MOCS1: variants seen among roughly 807,000 people sequenced by gnomAD.
MOCS1 encodes the protein molybdenum cofactor biosynthesis protein 1.
MOCS1 carries 39 observed loss-of-function variants against 57.6 expected under a neutral mutation model. The observed-to-expected ratio is 0.68, with a 90% CI of 0.52 to 0.88. The LOEUF is 0.88. Among genes scored for constraint, MOCS1 ranks in the 40% least tolerant of loss-of-function variants. MOCS1 has a pLI of 0.00. For synonymous variants in MOCS1, 334 were observed against 335.7 expected (o/e 1.00, Z 0.05); for missense variants, 795 against 831.1 (o/e 0.96, Z 0.53).
At chr6:39,931,676 C>G (rs1304171722) in intron 1 of MOCS1, among the ~76,000 whole-genome samples, 1 of 152,102 alleles carries the variant, frequency 6.6e-6, no homozygotes, top group African/African-American at 2.4e-5. Flanking sequence ...TCTCCCTCAC[C>G]AGTGCCTGCT....
At position 39,906,396 on chromosome 6, in the gene MOCS1, G is replaced by A. The variant is rs1279028508; in HGVS notation, c.1872C>T (p.Ser624=). The A allele has an allele frequency of 2.5e-6, 4 of 1,600,998 alleles. No homozygotes were observed. In the East Asian group the frequency reaches 9.0e-5, roughly 36 times the overall value. Reference sequence around the variant, plus strand: ...AGTCCCCCCGCTGACCACCAGTCTTGCTAATGAGCTTGATCTCCTCCAACA... The same window carrying A: ...AGTCCCCCCGCTGACCACCAGTCTTACTAATGAGCTTGATCTCCTCCAACA... ...DIVLEEIKLI[S]KTGGQRGDFH... is the part of the protein sequence containing the mutation. Residue 624 remains serine, a synonymous_variant, in exon 11 of 11, where the codon AGC becomes AGT. Transcript: ENST00000340692.
At chr6:39,925,989 T>C in intron 2 of MOCS1, 144 bp from the exon 3 acceptor site, 1 of 849,848 alleles carries the variant, frequency 1.2e-6, no homozygotes, top group Non-Finnish European at 1.8e-6. Context: ...AAACCTGAGG[T>C]GGAAAAACCC....
At chr6:39,922,781 A>C (rs2149415338) in intron 3 of MOCS1, among the ~76,000 whole-genome samples, 1 of 152,290 alleles carries the variant, frequency 6.6e-6, no homozygotes, top group South Asian at 2.1e-4. Context: ...ACGGGACCTC[A>C]GGCTCGGCAG....
chr6:39,907,205 C>T, intron 10 of MOCS1, 88 bp from the exon 11 acceptor site: 4 of 1,353,790 alleles, frequency 3.0e-6, no homozygotes, highest in Middle Eastern at 1.9e-4. Flanking sequence ...CTCCCTATCC[C>T]ACCTCAAGTT....
In MOCS1 at chr6:39,913,824, C is replaced by T. The variant is rs377241570; in HGVS notation, c.595G>A (p.Val199Ile). 150 of 1,614,086 alleles carry T rather than the reference C, an allele frequency of 9.3e-5. No homozygotes were observed. Among genetic ancestry groups the T allele is most frequent in the Non-Finnish European group, 1.2e-4 (144 of 1,180,048 alleles). The stretch of plus-strand genomic sequence containing the variant: ...ATGGCCTTGTGGATGCCCTCCATGA[C>T]CTTGTGGAAGCCTGGGAGGGAGAAA... ...FIVRRKGFHK[V>I]MEGIHKAIEL... Residue 199 changes from valine to isoleucine, a missense_variant, in exon 5 of 11, where the codon GTC becomes ATC. Around this residue, in one of 3 missense-constraint regions of MOCS1, gnomAD observed 416 missense variants for 392.4 expected, o/e 1.06. Coordinates refer to ENST00000340692, the MANE Select transcript of MOCS1 (RefSeq NM_001358530.2).
chr6:39,913,009 A>T lies in MOCS1; in HGVS notation c.758-5T>A, dbSNP rs750428074. On this transcript the variant is annotated splice_region_variant and splice_polypyrimidine_tract_variant and intron_variant, in intron 6 of 10. Transcript: ENST00000340692. ...TCTTGAAGTTCCACTTGTTGCCTGT[A>T]TTCGGGATGGGGGAAGGCAAGGGGA... is the stretch of plus-strand genomic sequence containing the variant. 6.2e-7 allele frequency: 1 copy of T among 1,613,202 alleles called. No homozygotes were observed. The highest frequency in any genetic ancestry group is 8.5e-7 in the Non-Finnish European group (1 of 1,179,194).
In MOCS1 at chr6:39,907,068, G is replaced by A. The variant is rs1481685486; in HGVS notation, c.1200C>T (p.Phe400=). 6.2e-7 allele frequency: 1 copy of A among 1,613,528 alleles called. No homozygotes were observed. The change falls in exon 11 of 11, where the codon TTC becomes TTT. Residue 400 remains phenylalanine, a synonymous_variant. Coordinates refer to ENST00000340692, the MANE Select transcript of MOCS1 (RefSeq NM_001358530.2). The stretch of plus-strand genomic sequence containing the variant: ...CCTGAACATGGAGCGGGTCCCAGGA[G>A]AAAATGCTTGGATTGGCTGGTGGGG... ...PNSPPANPSI[F]SWDPLHVQGL...
intron 3 of MOCS1, 111 bp from the exon 4 acceptor site, chr6:39,916,343 T>C: frequency 7.5e-7 from 1 of 1,330,896 alleles, no homozygotes; most frequent in Non-Finnish European, 1.0e-6. Flanking sequence ...GAAAAGAGGC[T>C]CTCTGCAGAC....
In MOCS1 at chr6:39,905,155, G is replaced by C. The variant is rs1339976330; in HGVS notation, c.*1202C>G. On this transcript the variant is annotated 3_prime_UTR_variant, in exon 11 of 11. Transcript: ENST00000340692. Reference sequence around the variant, plus strand: ...CCACTGAGGACTCAAAGACATCCAAGTTAGAGAGCCCAGCAGGCCAGAACT... The same window carrying C: ...CCACTGAGGACTCAAAGACATCCAACTTAGAGAGCCCAGCAGGCCAGAACT... 5 of 454,312 alleles carry C rather than the reference G, an allele frequency of 1.1e-5. No individual in the cohort carries two copies. Among genetic ancestry groups the C allele is most frequent in the Non-Finnish European group, 2.2e-5 (5 of 226,924 alleles). 28.1% of individuals were successfully genotyped at this position (454,312 alleles called of 1,614,324 possible). A position where few individuals can be genotyped will look rare whatever the true frequency, so the allele number is the denominator to read the frequency against.
rs2149403004 is a variant in MOCS1 at position 39,912,382 on chromosome 6, G to C, written c.871-8C>G. The C allele has an allele frequency of 2.5e-6, 4 of 1,602,390 alleles. No homozygotes were observed. Among genetic ancestry groups the C allele is most frequent in the Non-Finnish European group, 2.6e-6 (3 of 1,169,350 alleles). On this transcript the variant is annotated splice_region_variant and splice_polypyrimidine_tract_variant and intron_variant, in intron 7 of 10. Transcript: ENST00000340692. ...GCCAGGGATTTTAAAGGCCTGGGCA[G>C]GGGAGAGTGGGAGCAAAAGGGCAGT...
At chr6:39,912,202 G>A (rs760188904) in intron 8 of MOCS1, 62 bp downstream of exon 8, 11 of 1,251,914 alleles carry the variant, frequency 8.8e-6, no homozygotes, top group Non-Finnish European at 1.2e-5. Context: ...GGGAGCACAG[G>A]TGGGAGGAGA....
chr6:39,930,719 G>A (rs1768601638), intron 1 of MOCS1, among the ~76,000 whole-genome samples: 2 of 152,150 alleles, frequency 1.3e-5, no homozygotes, highest in South Asian at 4.2e-4. Context: ...AGCCAGGGCT[G>A]AGAACCATCG....
At chr6:39,910,671 A>G (rs1767266768) in intron 8 of MOCS1, among the ~76,000 whole-genome samples, 1 of 152,194 alleles carries the variant, frequency 6.6e-6, no homozygotes, top group Non-Finnish European at 1.5e-5. Context: ...CTGCAGGCAG[A>G]GACCACTGGA....
Position 39,904,806 on chromosome 6 carries a change from G to C in MOCS1, c.*1551C>G. ...TAATCTACAGTGTCCTTTTTCACTT[G>C]CACCTTTTTTATAAGAATATATTGT... On this transcript the variant is annotated 3_prime_UTR_variant, in exon 11 of 11. Coordinates refer to ENST00000340692, the MANE Select transcript of MOCS1 (RefSeq NM_001358530.2). 1 of 454,016 alleles carries C rather than the reference G, an allele frequency of 2.2e-6. No individual in the cohort carries two copies. The highest frequency in any genetic ancestry group is 2.0e-5 in the African/African-American group (1 of 50,094). The allele number at this position is 454,016 out of a possible 1,614,324, so 28.1% of individuals were successfully genotyped here. A position where few individuals can be genotyped will look rare whatever the true frequency, so the allele number is the denominator to read the frequency against.
chr6:39,921,147 C>T (rs866123239), intron 3 of MOCS1, among the ~76,000 whole-genome samples: 13 of 152,096 alleles, frequency 8.5e-5, no homozygotes, highest in African/African-American at 2.9e-4. Context: ...TGCCTGTAAT[C>T]CTAGCACTTT....
Position 39,907,015 on chromosome 6 carries a change from C to A in MOCS1, c.1253G>T (p.Ser418Ile). 1 of 1,613,908 alleles carries A rather than the reference C, an allele frequency of 6.2e-7. No individual in the cohort carries two copies. The highest frequency in any genetic ancestry group is 2.2e-5 in the East Asian group (1 of 44,826). ...TCCTTTCCATAAAGTGGCCACCTGG[C>A]TGGAGAAACTCATTCTGGGTCTTAG... ...QGLRPRMSFSSQVATLWKGCR... is the reference protein window; with the variant it reads ...QGLRPRMSFSIQVATLWKGCR... The change falls in exon 11 of 11, where the codon AGC becomes ATC. Residue 418 changes from serine (S) to isoleucine (I), a missense_variant. By Grantham distance (142) the Ser-to-Ile change is moderately radical. This residue lies in a region of MOCS1 where 374 missense variants were observed against 422.6 expected (regional missense o/e 0.89). Transcript: ENST00000340692.
chr6:39,907,270 C>T (rs1426114014), intron 10 of MOCS1, among the ~76,000 whole-genome samples, 153 bp from the exon 11 acceptor site: 1 of 152,156 alleles, frequency 6.6e-6, no homozygotes, highest in Non-Finnish European at 1.5e-5. Flanking sequence ...TGGGACAAGA[C>T]AAAGTAGAAG....
rs951841441 is a variant in MOCS1 at position 39,905,351 on chromosome 6, T to C, written c.*1006A>G. On this transcript the variant is annotated 3_prime_UTR_variant, in exon 11 of 11. Transcript: ENST00000340692. ...CCCCCTACTCCACTTTATTTTCCCA[T>C]AGCGGGGCTATACAGAGAGTACACC... 4 of 459,210 alleles carry C rather than the reference T, an allele frequency of 8.7e-6. No individual in the cohort carries two copies. The highest frequency in any genetic ancestry group is 1.5e-5 in the South Asian group (1 of 64,568). The allele number at this position is 459,210 out of a possible 1,614,324, so 28.4% of individuals were successfully genotyped here. A position where few individuals can be genotyped will look rare whatever the true frequency, so the allele number is the denominator to read the frequency against.
intron 4 of MOCS1, among the ~76,000 whole-genome samples, chr6:39,914,122 GGACAATATTTTGCTTAAA>G (rs1403427987): frequency 6.6e-6 from 1 of 152,154 alleles, no homozygotes; most frequent in African/African-American, 2.4e-5. Flanking sequence ...CTTTTTGCAG[GGACAATATTTTGCTTAAA>G]TGGGGTTCAT....
Sources: allele counts gnomAD v4.1 joint callset (sites outside exome capture counted in the v4.1 genomes callset), GRCh38; gene constraint gnomAD v4.1.1; regional missense constraint gnomAD v4.1.1; transcripts MANE v1.5; gene names NCBI Gene and HGNC (gene_info 2026-07-23, HGNC 2026-07-21).